Variants in TMPRSS11E observed in about 807,000 individuals in gnomAD.
TMPRSS11E encodes transmembrane serine protease 11E.
Under a neutral mutation model 48.1 loss-of-function variants are expected in TMPRSS11E, and 38 were observed. The observed-to-expected ratio is 0.79, with a 90% confidence interval of 0.61 to 1.04. The LOEUF is 1.04. Among genes scored for constraint, TMPRSS11E ranks in the 50% least tolerant of loss-of-function variants. The pLI, the probability that TMPRSS11E is intolerant of heterozygous loss-of-function variation, is 0.00. For missense variants in TMPRSS11E, 530 were observed against 510.8 expected (o/e 1.04, Z -0.36); for synonymous variants, 158 against 171.9 (o/e 0.92, Z 0.63).
chr4:68,456,046 G>A (rs571953913), intron 1 of TMPRSS11E, among the ~76,000 whole-genome samples: 2 of 151,992 alleles, frequency 1.3e-5, no homozygotes, highest in African/African-American at 4.8e-5. Context: ...GTAGTCACCT[G>A]TGCTGTACCA....
intron 9 of TMPRSS11E, among the ~76,000 whole-genome samples, chr4:68,482,518 C>G (rs1325098726): frequency 7.2e-6 from 1 of 139,754 alleles, no homozygotes; most frequent in Non-Finnish European, 1.5e-5. Context: ...TTTTGGAAGG[C>G]CAAGGTGGGT....
intron 1 of TMPRSS11E, 37 bp from the exon 2 acceptor site, chr4:68,461,784 G>A (rs201776514): frequency 6.2e-7 from 1 of 1,613,638 alleles, no homozygotes; most frequent in East Asian, 2.2e-5. Flanking sequence ...TGTGTTGCAT[G>A]CTCTGAAATA....
At chr4:68,468,748 T>C in intron 3 of TMPRSS11E, 131 bp from the exon 4 acceptor site, 1 of 744,218 alleles carries the variant, frequency 1.3e-6, no homozygotes, top group African/African-American at 1.8e-5. Flanking sequence ...GCTTCCTCAG[T>C]TCCACTCACT....
chr4:68,452,508 A>G (rs1033824899), intron 1 of TMPRSS11E, among the ~76,000 whole-genome samples: 4 of 151,952 alleles, frequency 2.6e-5, no homozygotes, highest in African/African-American at 9.7e-5. Flanking sequence ...TAGGGAAACC[A>G]AAAATTAGGA....
intron 4 of TMPRSS11E, 49 bp from the exon 5 acceptor site, chr4:68,471,411 T>C: frequency 7.7e-6 from 4 of 520,910 alleles, no homozygotes; most frequent in Non-Finnish European, 1.1e-5. Context: ...CCTGCCTTTC[T>C]TTCTTCTTTT....
At chr4:68,457,819 AACTAAC>A (rs997312304) in intron 1 of TMPRSS11E, among the ~76,000 whole-genome samples, 7 of 152,104 alleles carry the variant, frequency 4.6e-5, no homozygotes, top group Non-Finnish European at 8.8e-5. Flanking sequence ...ATTCTCAGCA[AACTAAC>A]ACAGGAACAG....
intron 9 of TMPRSS11E, 33 bp downstream of exon 9, chr4:68,479,024 A>AT: frequency 2.5e-6 from 4 of 1,604,108 alleles, no homozygotes; most frequent in Non-Finnish European, 3.4e-6. Flanking sequence ...AGGTTGTGTA[A>AT]TTTTTTGTTT....
chr4:68,494,264 T>C lies in TMPRSS11E; in HGVS notation c.1111-2379T>C, dbSNP rs553337345. Among the ~76,000 whole-genome samples the C allele has an allele frequency of 2.6e-5, 4 of 152,344 alleles. 1 individual carries two copies. In the East Asian group the frequency reaches 7.7e-4, roughly 29 times the overall value. The stretch of plus-strand genomic sequence containing the variant: ...TCAAAGTGATTTCTATTTATATATT[T>C]TAAGTTCTTAATAGGAAATGAAAAT... On this transcript the variant is annotated intron_variant, in intron 9 of 9. Transcript: ENST00000305363.
chr4:68,474,578 G>T (rs1729158323), intron 5 of TMPRSS11E, 145 bp from the exon 6 acceptor site: 1 of 766,536 alleles, frequency 1.3e-6, no homozygotes, highest in Non-Finnish European at 2.2e-6. Context: ...ATCATCCTAT[G>T]TCTATGACAA....
chr4:68,492,618 C>T (rs999056280), intron 9 of TMPRSS11E, among the ~76,000 whole-genome samples: 3 of 152,106 alleles, frequency 2.0e-5, no homozygotes, highest in Non-Finnish European at 2.9e-5. Flanking sequence ...TAAGTTTTAG[C>T]GGTGTTTACT....
In TMPRSS11E at chr4:68,496,801, C is replaced by A. The variant is rs764617225; in HGVS notation, c.1269C>A (p.Ile423=). Residue 423 remains isoleucine (I), a synonymous_variant, in exon 10 of 10, where the codon ATC becomes ATA. Coordinates refer to ENST00000305363, the MANE Select transcript of TMPRSS11E (RefSeq NM_014058.4). ...LRDWITSKTG[I] ...ACTGGATTACTTCAAAAACTGGTAT[C>A]TAAGAGAGAAAAGCCTCATGGAACA... 6.2e-7 allele frequency: 1 copy of A among 1,609,086 alleles called. No individual in the cohort carries two copies. The highest frequency in any genetic ancestry group is 1.1e-5 in the South Asian group (1 of 90,148).
At chr4:68,472,622 A>G (rs1420437424) in intron 5 of TMPRSS11E, among the ~76,000 whole-genome samples, 2 of 151,994 alleles carry the variant, frequency 1.3e-5, no homozygotes, top group Admixed American at 1.3e-4. Flanking sequence ...AATGAATACA[A>G]ACTGCTAATA....
Position 68,477,525 on chromosome 4 carries a change from C to T in TMPRSS11E, c.864C>T (p.Pro288=), listed in dbSNP as rs746441750. ...ISLAELSSPV[P]YTNAVHRVCL... is the part of the protein sequence containing the mutation. Reference sequence around the variant, plus strand: ...TTGCAGAGCTTTCTAGCCCTGTTCCCTACACAAATGCAGTACATAGAGTTT... The same window carrying T: ...TTGCAGAGCTTTCTAGCCCTGTTCCTTACACAAATGCAGTACATAGAGTTT... Residue 288 remains proline, a synonymous_variant, in exon 8 of 10, where the codon CCC becomes CCT. Coordinates refer to ENST00000305363, the MANE Select transcript of TMPRSS11E (RefSeq NM_014058.4). The T allele has an allele frequency of 1.2e-6, 2 of 1,614,108 alleles. No homozygotes were observed. Among genetic ancestry groups the T allele is most frequent in the Non-Finnish European group, 1.7e-6 (2 of 1,179,990 alleles).
intron 1 of TMPRSS11E, among the ~76,000 whole-genome samples, chr4:68,461,123 C>T (rs1190186915): frequency 6.6e-6 from 1 of 152,098 alleles, no homozygotes; most frequent in East Asian, 1.9e-4. Context: ...CCTCATGATC[C>T]GCCCGCCTCG....
rs1560563704 is a variant in TMPRSS11E, at chr4:68,496,685, A to G, written c.1153A>G (p.Ile385Val). Residue 385 changes from isoleucine to valine, a missense_variant, in exon 10 of 10, where the codon ATC (isoleucine) becomes GTC (valine). Coordinates refer to ENST00000305363, the MANE Select transcript of TMPRSS11E (RefSeq NM_014058.4). ...ACTGGTTAGTTCAGATGCTAGAGAT[A>G]TCTGGTACCTTGCTGGAATAGTGAG... ...GPLVSSDARD[I>V]WYLAGIVSWG... is the part of the protein sequence containing the mutation. 1.2e-6 allele frequency: 2 copies of G among 1,613,678 alleles called. No individual in the cohort carries two copies. The highest frequency in any genetic ancestry group is 1.1e-5 in the South Asian group (1 of 91,062).
At chr4:68,449,713 G>A (rs1044235563) in intron 1 of TMPRSS11E, among the ~76,000 whole-genome samples, 1 of 151,806 alleles carries the variant, frequency 6.6e-6, no homozygotes, top group Non-Finnish European at 1.5e-5. Context: ...CACTAATGGT[G>A]TAAAGACATA....
At chr4:68,458,505 T>A (rs946428696) in intron 1 of TMPRSS11E, among the ~76,000 whole-genome samples, 1 of 152,162 alleles carries the variant, frequency 6.6e-6, no homozygotes, top group African/African-American at 2.4e-5. Flanking sequence ...TTTACACGAA[T>A]AGGTGCACAT....
At chr4:68,474,917 G>A (rs1729169433) in intron 6 of TMPRSS11E, among the ~76,000 whole-genome samples, 156 bp downstream of exon 6, 1 of 152,106 alleles carries the variant, frequency 6.6e-6, no homozygotes, top group Non-Finnish European at 1.5e-5. Flanking sequence ...ATATCTTGGA[G>A]ATACATTTTA....
chr4:68,489,338 G>C (rs1729651203), intron 9 of TMPRSS11E, among the ~76,000 whole-genome samples: 1 of 152,156 alleles, frequency 6.6e-6, no homozygotes. Context: ...GTACCTCCTG[G>C]GTTGGAAGGA....
Sources: gnomAD v4.1 joint callset for allele counts (sites outside exome capture counted in the v4.1 genomes callset) on GRCh38, gnomAD v4.1.1 for gene constraint, MANE v1.5 for transcripts, NCBI Gene and HGNC (gene_info 2026-07-23, HGNC 2026-07-21) for gene names.